The following SAMD4A variants were observed in gnomAD, a reference collection of about 807,000 sequenced individuals.
SAMD4A encodes protein Smaug homolog 1.
In SAMD4A, 33 loss-of-function variants were observed where a neutral mutation model predicts 81.3. The observed-to-expected ratio is 0.41, with a 90% CI of 0.31 to 0.54. SAMD4A has a LOEUF of 0.54. SAMD4A is among the 20% of genes least tolerant of loss of function. The probability of loss-of-function intolerance (pLI) is 0.37; values close to 1 mark genes in which losing one functional copy is unlikely to be tolerated. For missense variants in SAMD4A, 854 were observed against 951.1 expected (o/e 0.90, Z 1.34); for synonymous variants, 389 against 382.1 (o/e 1.02, Z -0.21).
chr14:54,740,605 A>T (rs1359753370), intron 4 of SAMD4A, among the ~76,000 whole-genome samples: 1 of 152,218 alleles, frequency 6.6e-6, no homozygotes, highest in Non-Finnish European at 1.5e-5. Flanking sequence ...TAGACTGGCC[A>T]GGTCTGGCTA....
chr14:54,706,667 G>A (rs2036867507), intron 3 of SAMD4A, among the ~76,000 whole-genome samples: 1 of 151,990 alleles, frequency 6.6e-6, no homozygotes, highest in Non-Finnish European at 1.5e-5. Context: ...TTTTGCAGGG[G>A]AAATGGAAAG....
rs560666293 is a variant in SAMD4A at position 54,707,893 on chromosome 14, C to T, written c.715+5313C>T. ...AGGCTGGTGTCTGAAAGGGATTGAA[C>T]GAGGTAGACAGTGGTCGGAGAGGCT... On this transcript the variant is annotated intron_variant, in intron 3 of 12. Coordinates refer to ENST00000554335, the MANE Select transcript of SAMD4A (RefSeq NM_015589.6). 1.6e-4 allele frequency among the ~76,000 whole-genome samples: 25 copies of T among 152,210 alleles called. 1 individual carries two copies. In the South Asian group the frequency reaches 2.5e-3, roughly 15 times the overall value.
intron 2 of SAMD4A, among the ~76,000 whole-genome samples, chr14:54,621,462 A>G (rs979961610): frequency 2.0e-5 from 3 of 151,126 alleles, no homozygotes; most frequent in African/African-American, 7.3e-5. Context: ...TGATTCTCCC[A>G]CCTCAGCTTC....
At chr14:54,724,007 T>TGGAAAGGAA (rs1555347510) in intron 3 of SAMD4A, among the ~76,000 whole-genome samples, 1 of 124,176 alleles carries the variant, frequency 8.1e-6, no homozygotes, top group African/African-American at 3.0e-5. Flanking sequence ...GATGGATGGA[T>TGGAAAGGAA]GGAAGGAAGG....
intron 2 of SAMD4A, among the ~76,000 whole-genome samples, chr14:54,669,400 A>T (rs2035824722): frequency 6.6e-6 from 1 of 152,094 alleles, no homozygotes; most frequent in African/African-American, 2.4e-5. Flanking sequence ...CAAGCTGATA[A>T]AGAATATTTA....
chr14:54,641,193 C>T (rs1351964707), intron 2 of SAMD4A, among the ~76,000 whole-genome samples: 2 of 152,188 alleles, frequency 1.3e-5, no homozygotes, highest in South Asian at 2.1e-4. Context: ...ACACACCTCT[C>T]AGGGCTATTG....
At chr14:54,584,328 G>A (rs1161483102) in intron 2 of SAMD4A, among the ~76,000 whole-genome samples, 2 of 152,214 alleles carry the variant, frequency 1.3e-5, no homozygotes, top group Non-Finnish European at 2.9e-5. Context: ...GCAGGAGTAG[G>A]AGAGCTTTGC....
At chr14:54,777,990 C>T (rs542977401) in intron 11 of SAMD4A, among the ~76,000 whole-genome samples, 9 of 152,196 alleles carry the variant, frequency 5.9e-5, no homozygotes, top group South Asian at 2.1e-4. Context: ...TCTGTTTTCA[C>T]GCAGAATTAT....
chr14:54,613,089 C>G (rs2034400932), intron 2 of SAMD4A, among the ~76,000 whole-genome samples: 1 of 150,536 alleles, frequency 6.6e-6, no homozygotes, highest in South Asian at 2.1e-4. Context: ...TGCACTCCAG[C>G]CTGGTGACAG....
chr14:54,705,850 TTAAAAA>T (rs1402746078), intron 3 of SAMD4A, among the ~76,000 whole-genome samples: 1 of 152,228 alleles, frequency 6.6e-6, no homozygotes, highest in Non-Finnish European at 1.5e-5. Flanking sequence ...AGTATCACAA[TTAAAAA>T]TTAAATATTC....
chr14:54,600,076 C>T lies in SAMD4A; in HGVS notation c.196+31964C>T, dbSNP rs143616345. On this transcript the variant is annotated intron_variant, in intron 2 of 12. Coordinates refer to ENST00000554335, the MANE Select transcript of SAMD4A (RefSeq NM_015589.6). ...GCCAGGCTGGAGTGAGTAATGACAA[C>T]CTTTTGGCAGATCAAATTTCAGTTT... Among the ~76,000 whole-genome samples, 206 of 152,322 alleles carry T rather than the reference C, an allele frequency of 1.4e-3. 2 individuals carry two copies. In the South Asian group the frequency reaches 0.02, roughly 15 times the overall value.
intron 2 of SAMD4A, among the ~76,000 whole-genome samples, chr14:54,626,922 G>C (rs879494402): frequency 6.6e-6 from 1 of 152,146 alleles, no homozygotes. Context: ...TAGTTTGTCC[G>C]TGATTATTTG....
chr14:54,565,813 CACCCGG>C (rs1371164338), upstream of SAMD4A, among the ~76,000 whole-genome samples: 1 of 152,046 alleles, frequency 6.6e-6, no homozygotes, highest in Non-Finnish European at 1.5e-5. This position sits in a 1 kb window ranked among gnomAD's most constrained non-coding sequence, Gnocchi z 5.4. Context: ...GGAAGAAATT[CACCCGG>C]ACCCGTCCTC....
chr14:54,594,257 A>G (rs1040256761), intron 2 of SAMD4A, among the ~76,000 whole-genome samples: 1 of 152,088 alleles, frequency 6.6e-6, no homozygotes, highest in South Asian at 2.1e-4. Flanking sequence ...TAAGGTACAG[A>G]ACGAAAATGC....
At chr14:54,620,355 G>GCATCAT (rs34908548) in intron 2 of SAMD4A, among the ~76,000 whole-genome samples, 6 of 151,070 alleles carry the variant, frequency 4.0e-5, no homozygotes, top group Admixed American at 6.6e-5. Context: ...CCATGTTGGA[G>GCATCAT]CATCATCATC....
chr14:54,716,188 G>T (rs1241901617), intron 3 of SAMD4A, among the ~76,000 whole-genome samples: 1 of 152,154 alleles, frequency 6.6e-6, no homozygotes, highest in Non-Finnish European at 1.5e-5. Context: ...GGGACACTCA[G>T]CTTTTGCCCT....
chr14:54,690,257 G>A (rs1237926289), intron 2 of SAMD4A, among the ~76,000 whole-genome samples: 2 of 151,990 alleles, frequency 1.3e-5, no homozygotes, highest in Admixed American at 1.3e-4. Context: ...GGAGAGAGGT[G>A]GATTCTTAAA....
chr14:54,600,435 C>G (rs567627679), intron 2 of SAMD4A, among the ~76,000 whole-genome samples: 6 of 152,044 alleles, frequency 3.9e-5, no homozygotes, highest in Admixed American at 6.6e-5. Context: ...TTCCATTGAC[C>G]CAGCTGCTTG....
intron 2 of SAMD4A, among the ~76,000 whole-genome samples, chr14:54,583,208 C>T (rs554882131): frequency 6.6e-6 from 1 of 152,230 alleles, no homozygotes; most frequent in East Asian, 1.9e-4. Flanking sequence ...AGGGGCTGTG[C>T]TTTATCTCCC....
Sources: allele counts gnomAD v4.1 joint callset (sites outside exome capture counted in the v4.1 genomes callset), GRCh38; gene constraint gnomAD v4.1.1; non-coding constraint Gnocchi (gnomAD v3.1); transcripts MANE v1.5; gene names NCBI Gene and HGNC (gene_info 2026-07-23, HGNC 2026-07-21).